Variants in NRXN1 observed in about 807,000 individuals in gnomAD.
NRXN1 encodes neurexin-1.
NRXN1 carries 39 observed loss-of-function variants against 150.9 expected under a neutral mutation model. The ratio of observed to expected loss-of-function variants is 0.26; its 90% CI spans 0.20 to 0.34. The LOEUF (loss-of-function observed/expected upper bound fraction) is 0.34. NRXN1 is among the 10% of genes least tolerant of loss of function. The probability of loss-of-function intolerance (pLI) is 1.00; values close to 1 mark genes in which losing one functional copy is unlikely to be tolerated. For synonymous variants in NRXN1, 924 were observed against 757.0 expected (o/e 1.22, Z -3.62); for missense variants, 1,815 against 1,949.9 (o/e 0.93, Z 1.30).
intron 5 of NRXN1, among the ~76,000 whole-genome samples, chr2:50,729,963 T>C (rs949674333): frequency 1.3e-5 from 2 of 152,190 alleles, no homozygotes; most frequent in African/African-American, 4.8e-5. Flanking sequence ...GTGAGAGAGA[T>C]TTCATCCTTT....
At chr2:50,669,884 C>T (rs982543913) in intron 5 of NRXN1, among the ~76,000 whole-genome samples, 2 of 149,218 alleles carry the variant, frequency 1.3e-5, no homozygotes, top group South Asian at 2.1e-4. Context: ...ACAAAAAAAA[C>T]GGAATTAATC....
chr2:50,086,770 C>A (rs1414494541), intron 19 of NRXN1, among the ~76,000 whole-genome samples: 1 of 149,136 alleles, frequency 6.7e-6, no homozygotes, highest in Admixed American at 6.7e-5. Context: ...AGCATTAGAA[C>A]ATTGAATAAT....
chr2:50,394,899 G>A (rs2081964184), intron 17 of NRXN1, among the ~76,000 whole-genome samples: 1 of 151,694 alleles, frequency 6.6e-6, no homozygotes, highest in East Asian at 1.9e-4. Context: ...TCAAACATCT[G>A]CATTTGCTAT....
chr2:50,376,040 T>C lies in NRXN1; in HGVS notation c.3364+89402A>G, dbSNP rs1050944897. Among the ~76,000 whole-genome samples, 23 of 142,676 alleles carry C rather than the reference T, an allele frequency of 1.6e-4. No individual in the cohort carries two copies. In the Middle Eastern group the frequency reaches 0.014, roughly 86 times the overall value. The allele number at this position is 142,676 out of a possible 152,430, so 93.6% of individuals were successfully genotyped here. The stretch of plus-strand genomic sequence containing the variant: ...TAGAACTCCTGCACATAAATACATA[T>C]ATATATACACACACACACACACACA... On this transcript the variant is annotated intron_variant, in intron 17 of 22. Transcript: ENST00000401669.
chr2:50,183,914 A>G (rs1371740859), intron 18 of NRXN1, among the ~76,000 whole-genome samples: 1 of 151,944 alleles, frequency 6.6e-6, no homozygotes, highest in African/African-American at 2.4e-5. Flanking sequence ...TGCTTTAAGT[A>G]AGTGTTATTT....
At chr2:50,614,156 A>T (rs1678652252) in intron 8 of NRXN1, among the ~76,000 whole-genome samples, 1 of 152,100 alleles carries the variant, frequency 6.6e-6, no homozygotes, top group African/African-American at 2.4e-5. Context: ...AAATAATAAG[A>T]GAAGAGAGGC....
intron 17 of NRXN1, among the ~76,000 whole-genome samples, chr2:50,287,272 C>T (rs2072313960): frequency 6.6e-6 from 1 of 152,032 alleles, no homozygotes; most frequent in Non-Finnish European, 1.5e-5. Flanking sequence ...TCTCTTTCTA[C>T]ATTCTTCTTC....
chr2:50,807,410 A>C (rs1252160772), intron 5 of NRXN1, among the ~76,000 whole-genome samples: 2 of 152,150 alleles, frequency 1.3e-5, no homozygotes, highest in Admixed American at 6.5e-5. Context: ...AAAAGAGATT[A>C]TAACTCTTTT....
At chr2:49,997,068 A>T (rs1479643327) in intron 21 of NRXN1, among the ~76,000 whole-genome samples, 1 of 152,202 alleles carries the variant, frequency 6.6e-6, no homozygotes, top group Non-Finnish European at 1.5e-5. Context: ...CAGAATACAG[A>T]AAACCCACAA....
chr2:50,373,294 TTTATTATTA>T (rs6146761), intron 17 of NRXN1, among the ~76,000 whole-genome samples: 27 of 140,396 alleles, frequency 1.9e-4, no homozygotes, highest in Admixed American at 3.6e-4. Flanking sequence ...TATTTTATTT[TTTATTATTA>T]TTATTATTAT....
chr2:51,005,776 C>T (rs1700635589), intron 2 of NRXN1, among the ~76,000 whole-genome samples: 1 of 151,904 alleles, frequency 6.6e-6, no homozygotes, highest in Non-Finnish European at 1.5e-5. Context: ...AGGAATAAAT[C>T]TCCACCTATC....
chr2:50,613,244 T>C (rs925721662), intron 8 of NRXN1, among the ~76,000 whole-genome samples: 4 of 152,166 alleles, frequency 2.6e-5, no homozygotes, highest in Non-Finnish European at 5.9e-5. Context: ...TCTGAGTCAC[T>C]AAACCAAGAC....
chr2:50,358,355 G>C (rs1228283513), intron 17 of NRXN1, among the ~76,000 whole-genome samples: 1 of 152,202 alleles, frequency 6.6e-6, no homozygotes, highest in Non-Finnish European at 1.5e-5. Context: ...TGCCAGCACA[G>C]CAGCCTGAAG....
intron 17 of NRXN1, among the ~76,000 whole-genome samples, chr2:50,428,972 G>A (rs2084728593): frequency 6.6e-6 from 1 of 152,072 alleles, no homozygotes; most frequent in South Asian, 2.1e-4. Flanking sequence ...AGTAAAAAAA[G>A]CATGCGGGTA....
intron 21 of NRXN1, among the ~76,000 whole-genome samples, chr2:50,039,190 GACAA>G (rs1367446624): frequency 4.6e-5 from 7 of 151,872 alleles, no homozygotes; most frequent in African/African-American, 1.5e-4. Context: ...CAAACAAACA[GACAA>G]ACAAAAACAA....
chr2:50,955,784 C>T (rs1290128767), intron 2 of NRXN1, among the ~76,000 whole-genome samples: 4 of 152,136 alleles, frequency 2.6e-5, no homozygotes, highest in African/African-American at 9.7e-5. Flanking sequence ...TCAATCATAA[C>T]TTAGCACAGA....
intron 18 of NRXN1, among the ~76,000 whole-genome samples, chr2:50,140,476 C>T (rs191504730): frequency 1.6e-4 from 24 of 152,102 alleles, no homozygotes; most frequent in Non-Finnish European, 2.8e-4. Flanking sequence ...TTTATCTAAG[C>T]CTTTAGAACA....
At chr2:50,052,668 G>A (rs1240263572) in intron 21 of NRXN1, among the ~76,000 whole-genome samples, 2 of 152,040 alleles carry the variant, frequency 1.3e-5, no homozygotes, top group Admixed American at 6.6e-5. Context: ...GTAGGTGAGG[G>A]CAATTAATCA....
Position 51,028,038 on chromosome 2 carries a change from A to G in NRXN1, c.236T>C (p.Leu79Pro). Reference sequence around the variant, plus strand: ...GCCGCCGCGCGTCAGAATCAGCTCCAGGAAGTCGCAGAAGCCCTCGTCGTC... The same window carrying G: ...GCCGCCGCGCGTCAGAATCAGCTCCGGGAAGTCGCAGAAGCCCTCGTCGTC... ...YFDDEGFCDF[L>P]ELILTRGGRL... The change falls in exon 2 of 23, where the codon CTG becomes CCG. Residue 79 changes from leucine (L) to proline (P), a missense_variant. Around this residue, in one of 6 missense-constraint regions of NRXN1, gnomAD observed 554 missense variants for 478.8 expected, o/e 1.16. Coordinates refer to ENST00000401669, the MANE Select transcript of NRXN1 (RefSeq NM_001330078.2). The G allele has an allele frequency of 6.3e-7, 1 of 1,599,364 alleles. No individual in the cohort carries two copies. The highest frequency in any genetic ancestry group is 8.5e-7 in the Non-Finnish European group (1 of 1,176,984).
Sources: allele counts gnomAD v4.1 joint callset (sites outside exome capture counted in the v4.1 genomes callset), GRCh38; gene constraint gnomAD v4.1.1; regional missense constraint gnomAD v4.1.1; transcripts MANE v1.5; gene names NCBI Gene and HGNC (gene_info 2026-07-23, HGNC 2026-07-21).